GPATCH2: variants seen among roughly 807,000 people sequenced by gnomAD.
GPATCH2 encodes G patch domain-containing protein 2.
GPATCH2 carries 51 observed loss-of-function variants against 58.0 expected under a neutral mutation model. The ratio of observed to expected loss-of-function variants is 0.88; its 90% CI spans 0.70 to 1.11. The LOEUF (loss-of-function observed/expected upper bound fraction) is 1.11, where lower values mean the gene tolerates loss of function less well. Ranked by LOEUF, GPATCH2 falls within the 50% of genes most tolerant of loss-of-function variation. The probability of loss-of-function intolerance (pLI) is 0.00; values close to 1 mark genes in which losing one functional copy is unlikely to be tolerated. For synonymous variants in GPATCH2, 222 were observed against 218.5 expected, an observed-to-expected ratio of 1.02 and a Z score of -0.14; for missense variants, 625 against 652.2, an observed-to-expected ratio of 0.96 and a Z score of 0.45.
intron 5 of GPATCH2, among the ~76,000 whole-genome samples, chr1:217,520,425 T>C (rs1663392852): frequency 6.6e-6 from 1 of 152,134 alleles, no homozygotes; most frequent in Non-Finnish European, 1.5e-5. Flanking sequence ...CTAATAACGG[T>C]ACAAAAAGGC....
intron 1 of GPATCH2, among the ~76,000 whole-genome samples, chr1:217,625,920 G>A (rs1669431412): frequency 6.6e-6 from 1 of 152,120 alleles, no homozygotes; most frequent in Admixed American, 6.5e-5. Context: ...GGAGGCAGAG[G>A]TTGCAGTGAG....
In GPATCH2 at chr1:217,489,100, C is replaced by CT. The variant is rs779967454; in HGVS notation, c.1277+2579dup. Among the ~76,000 whole-genome samples the CT allele has an allele frequency of 3.1e-3, 438 of 139,614 alleles. 1 individual carries two copies. Among genetic ancestry groups the CT allele is most frequent in the African/African-American group, 4.6e-3 (176 of 38,228 alleles). 91.6% of individuals were successfully genotyped at this position (139,614 alleles called of 152,430 possible). A position where few individuals can be genotyped will look rare whatever the true frequency, so the allele number is the denominator to read the frequency against. ...CTCAATGCTTTTTCTTTTCTCTTCA[C>CT]TTTTTTTTTTTTTTGGTAGAGATGG... On this transcript the variant is annotated intron_variant, in intron 8 of 9. Transcript: ENST00000366935.
intron 8 of GPATCH2, among the ~76,000 whole-genome samples, chr1:217,487,335 A>T (rs1661499069): frequency 1.3e-5 from 2 of 152,144 alleles, no homozygotes; most frequent in South Asian, 4.1e-4. Flanking sequence ...AAGGCAGTAG[A>T]ATTTCCTCCA....
At chr1:217,529,568 C>T (rs543000727) in intron 5 of GPATCH2, among the ~76,000 whole-genome samples, 1 of 152,176 alleles carries the variant, frequency 6.6e-6, no homozygotes, top group Non-Finnish European at 1.5e-5. Context: ...CACCAGAAGA[C>T]AGTGCGGTAC....
At chr1:217,494,759 C>A (rs1661925803) in intron 7 of GPATCH2, among the ~76,000 whole-genome samples, 1 of 151,858 alleles carries the variant, frequency 6.6e-6, no homozygotes, top group Non-Finnish European at 1.5e-5. Flanking sequence ...AAAAAGAAGA[C>A]TCCCAACATA....
chr1:217,538,217 T>C (rs956475965), intron 5 of GPATCH2, among the ~76,000 whole-genome samples: 2 of 152,346 alleles, frequency 1.3e-5, no homozygotes, highest in South Asian at 2.1e-4. Context: ...GTTCTAATGA[T>C]GTGACTCACA....
chr1:217,427,165 T>A lies in GPATCH2; in HGVS notation c.*3980A>T, dbSNP rs889284200. 1 of 152,146 alleles carries A rather than the reference T, an allele frequency of 6.6e-6. No homozygotes were observed. Among genetic ancestry groups the A allele is most frequent in the Non-Finnish European group, 1.5e-5 (1 of 68,020 alleles). The allele number at this position is 152,146 out of a possible 1,614,324, so 9.4% of individuals were successfully genotyped here. On this transcript the variant is annotated 3_prime_UTR_variant, in exon 10 of 10. Transcript: ENST00000366935. ...TTGTAACAGATTTGAACTCTGATAC[T>A]TTAAGTGGTCAGAGAGAGCGTGTGT...
chr1:217,455,395 A>G (rs1250266591), intron 8 of GPATCH2, among the ~76,000 whole-genome samples: 1 of 151,858 alleles, frequency 6.6e-6, no homozygotes, highest in African/African-American at 2.4e-5. Flanking sequence ...CCTGTTGGCA[A>G]CTCTTGACTC....
intron 5 of GPATCH2, among the ~76,000 whole-genome samples, chr1:217,583,388 G>T (rs1340517931): frequency 6.6e-6 from 1 of 151,898 alleles, no homozygotes; most frequent in Non-Finnish European, 1.5e-5. Flanking sequence ...TGGCAAACAT[G>T]GTGAAACCCC....
chr1:217,611,543 C>T (rs979621849), intron 3 of GPATCH2, among the ~76,000 whole-genome samples: 8 of 152,032 alleles, frequency 5.3e-5, no homozygotes, highest in Non-Finnish European at 7.4e-5. Flanking sequence ...AAGTTACTAC[C>T]CCTTCCACGT....
intron 5 of GPATCH2, among the ~76,000 whole-genome samples, chr1:217,546,246 A>G (rs539924340): frequency 1.6e-4 from 25 of 152,344 alleles, no homozygotes; most frequent in Non-Finnish European, 3.1e-4. Flanking sequence ...ATTAAATGCT[A>G]TTCCTATTAA....
At chr1:217,611,220 C>A (rs1166412258) in intron 3 of GPATCH2, 149 bp from the exon 4 acceptor site, 5 of 693,076 alleles carry the variant, frequency 7.2e-6, no homozygotes, top group African/African-American at 7.2e-5. Context: ...GTATTATATA[C>A]TTGCACTAAA....
Position 217,576,866 on chromosome 1 carries a change from C to A in GPATCH2, c.1098+33455G>T, listed in dbSNP as rs542411001. 2.6e-5 allele frequency among the ~76,000 whole-genome samples: 4 copies of A among 152,182 alleles called. No individual in the cohort carries two copies. The South Asian group carries it at 6.2e-4, about 24-fold the overall frequency. ...TGGAATTAGATGGGTATTGACAATGCGAAGGGGATAAGGATTAAGCAGATG... is the reference window on the plus strand; with the variant it reads ...TGGAATTAGATGGGTATTGACAATGAGAAGGGGATAAGGATTAAGCAGATG... On this transcript the variant is annotated intron_variant, in intron 5 of 9. Transcript: ENST00000366935.
At chr1:217,578,400 G>A (rs1381606421) in intron 5 of GPATCH2, among the ~76,000 whole-genome samples, 1 of 152,036 alleles carries the variant, frequency 6.6e-6, no homozygotes, top group Non-Finnish European at 1.5e-5. Context: ...ACAGGCACAT[G>A]CCACCAGGCC....
chr1:217,604,359 A>G (rs1475274724), intron 5 of GPATCH2, among the ~76,000 whole-genome samples: 1 of 151,982 alleles, frequency 6.6e-6, no homozygotes, highest in African/African-American at 2.4e-5. Flanking sequence ...AAAAAAAAAA[A>G]GTATCAGTGT....
At chr1:217,625,487 G>A (rs1669406197) in intron 1 of GPATCH2, among the ~76,000 whole-genome samples, 1 of 152,006 alleles carries the variant, frequency 6.6e-6, no homozygotes, top group Non-Finnish European at 1.5e-5. Flanking sequence ...CAGATTCCCC[G>A]AGAAATAAAC....
At chr1:217,454,588 CAAAAAA>C (rs34571192) in intron 8 of GPATCH2, among the ~76,000 whole-genome samples, 2 of 59,614 alleles carry the variant, frequency 3.4e-5, no homozygotes, top group East Asian at 6.3e-4. Context: ...GACTCTGTCT[CAAAAAA>C]AAAAAAAAAA....
chr1:217,558,117 G>GTGCATGTAGAA (rs1665733654), intron 5 of GPATCH2, among the ~76,000 whole-genome samples: 1 of 152,036 alleles, frequency 6.6e-6, no homozygotes, highest in Non-Finnish European at 1.5e-5. Flanking sequence ...CACATGTTTT[G>GTGCATGTAGAA]AAATCACATG....
intron 5 of GPATCH2, among the ~76,000 whole-genome samples, chr1:217,535,124 A>G (rs1571877341): frequency 6.6e-6 from 1 of 152,192 alleles, no homozygotes; most frequent in African/African-American, 2.4e-5. Context: ...TATAGCCCCA[A>G]TCTGCTTTAC....
Sources: gnomAD v4.1 joint callset for allele counts (sites outside exome capture counted in the v4.1 genomes callset) on GRCh38, gnomAD v4.1.1 for gene constraint, MANE v1.5 for transcripts, NCBI Gene and HGNC (gene_info 2026-07-23, HGNC 2026-07-21) for gene names.